Variants in PITPNC1 observed in about 807,000 individuals in gnomAD.
PITPNC1 encodes phosphatidylinositol transfer protein cytoplasmic 1.
In PITPNC1, 18 loss-of-function variants were observed where a neutral mutation model predicts 44.7. The ratio of observed to expected loss-of-function variants is 0.40; its 90% confidence interval spans 0.28 to 0.60. The LOEUF (loss-of-function observed/expected upper bound fraction) is 0.60, where lower values mean the gene tolerates loss of function less well. Among genes scored for constraint, PITPNC1 ranks in the 20% least tolerant of loss-of-function variants. The pLI, the probability that PITPNC1 is intolerant of heterozygous loss-of-function variation, is 0.39. For missense variants in PITPNC1, 290 were observed against 418.4 expected (o/e 0.69, Z 2.68); for synonymous variants, 141 against 149.6 (o/e 0.94, Z 0.42).
At chr17:67,590,870 T>C (rs2041380886) in intron 5 of PITPNC1, among the ~76,000 whole-genome samples, 1 of 151,948 alleles carries the variant, frequency 6.6e-6, no homozygotes, top group African/African-American at 2.4e-5. Flanking sequence ...GGAGAATCAC[T>C]TGAACCTGGG....
chr17:67,694,847 G>T lies in PITPNC1; in HGVS notation c.*1959G>T, dbSNP rs890718122. On this transcript the variant is annotated 3_prime_UTR_variant, in exon 9 of 9. Coordinates refer to ENST00000581322, the MANE Select transcript of PITPNC1 (RefSeq NM_012417.4). ...TACTTAATGAAAATGTTTTGCTTTAGAGAGCAAAATGCTACTTTCAGAAGA... is the reference window on the plus strand; with the variant it reads ...TACTTAATGAAAATGTTTTGCTTTATAGAGCAAAATGCTACTTTCAGAAGA... The T allele has an allele frequency of 6.6e-6, 1 of 152,284 alleles. No homozygotes were observed. The highest frequency in any genetic ancestry group is 2.1e-4 in the South Asian group (1 of 4,828). The allele number at this position is 152,284 out of a possible 1,614,324, so 9.4% of individuals were successfully genotyped here.
chr17:67,447,846 CTCTTTCTT>C (rs752331834), intron 1 of PITPNC1, among the ~76,000 whole-genome samples: 1 of 147,214 alleles, frequency 6.8e-6, no homozygotes, highest in Admixed American at 6.7e-5. Flanking sequence ...TCCCAGCTAT[CTCTTTCTT>C]TCTTTCTTTC....
At chr17:67,449,242 A>G (rs2039142893) in intron 1 of PITPNC1, among the ~76,000 whole-genome samples, 1 of 152,212 alleles carries the variant, frequency 6.6e-6, no homozygotes, top group Admixed American at 6.5e-5. Context: ...AAAGTGCCTT[A>G]TCTTGCATTT....
intron 1 of PITPNC1, among the ~76,000 whole-genome samples, chr17:67,412,981 G>T (rs1025249881): frequency 3.9e-5 from 6 of 152,072 alleles, no homozygotes; most frequent in Admixed American, 2.0e-4. Flanking sequence ...TAATGAGTTG[G>T]TTGCTAGATA....
At chr17:67,503,861 C>T (rs1274397819) in intron 1 of PITPNC1, among the ~76,000 whole-genome samples, 1 of 152,192 alleles carries the variant, frequency 6.6e-6, no homozygotes, top group Non-Finnish European at 1.5e-5. Context: ...GATATGAGTT[C>T]AGTTAATGAA....
chr17:67,441,077 A>G (rs987181076), intron 1 of PITPNC1, among the ~76,000 whole-genome samples: 9 of 152,108 alleles, frequency 5.9e-5, no homozygotes, highest in African/African-American at 2.2e-4. Context: ...AGGACATATC[A>G]GAGTATAGCT....
At chr17:67,633,367 C>A (rs965801609) in intron 6 of PITPNC1, among the ~76,000 whole-genome samples, 3 of 152,224 alleles carry the variant, frequency 2.0e-5, no homozygotes, top group East Asian at 3.8e-4. Context: ...AGGCTCCCGA[C>A]GTGGTTCAGA....
chr17:67,505,143 G>A (rs1162375106), intron 1 of PITPNC1, among the ~76,000 whole-genome samples: 3 of 152,198 alleles, frequency 2.0e-5, no homozygotes, highest in East Asian at 1.9e-4. Flanking sequence ...TCTAGTATAC[G>A]GTCTATCCTG....
chr17:67,564,964 T>C (rs1308456139), intron 4 of PITPNC1, among the ~76,000 whole-genome samples: 1 of 152,230 alleles, frequency 6.6e-6, no homozygotes, highest in Non-Finnish European at 1.5e-5. Context: ...TGTTTTTCAG[T>C]GTGTATACTC....
intron 5 of PITPNC1, among the ~76,000 whole-genome samples, chr17:67,631,680 T>C (rs2041974586): frequency 1.3e-5 from 1 of 77,440 alleles, no homozygotes; most frequent in South Asian, 4.3e-4. Flanking sequence ...ATAAAATATA[T>C]ATTTTTAACA....
At chr17:67,448,414 C>T (rs2039130560) in intron 1 of PITPNC1, among the ~76,000 whole-genome samples, 2 of 152,170 alleles carry the variant, frequency 1.3e-5, no homozygotes, top group African/African-American at 4.8e-5. Flanking sequence ...GCTCTGAGAA[C>T]TGGGGCAGCT....
intron 5 of PITPNC1, among the ~76,000 whole-genome samples, chr17:67,614,682 A>AT (rs2041734868): frequency 6.6e-6 from 1 of 150,462 alleles, no homozygotes; most frequent in African/African-American, 2.4e-5. Context: ...AAAAAAAAAA[A>AT]AAATAAATAT....
At chr17:67,461,626 A>G (rs2039339020) in intron 1 of PITPNC1, among the ~76,000 whole-genome samples, 1 of 152,200 alleles carries the variant, frequency 6.6e-6, no homozygotes, top group Non-Finnish European at 1.5e-5. Flanking sequence ...AGATTGTCTT[A>G]AAGAATCTTA....
rs55777751 is a variant in PITPNC1 at position 67,434,808 on chromosome 17, A to ATTT, written c.48+56606_48+56607insTTT. Among the ~76,000 whole-genome samples the ATTT allele has an allele frequency of 7.3e-4, 6 of 8,216 alleles. 1 individual carries two copies. Among genetic ancestry groups the ATTT allele is most frequent in the African/African-American group, 3.2e-3 (6 of 1,858 alleles). 5.4% of individuals were successfully genotyped at this position (8,216 alleles called of 152,430 possible). A position where few individuals can be genotyped will look rare whatever the true frequency, so the allele number is the denominator to read the frequency against. On this transcript the variant is annotated intron_variant, in intron 1 of 8. Coordinates refer to ENST00000581322, the MANE Select transcript of PITPNC1 (RefSeq NM_012417.4). ...GTGAGACTCTGCCTCAAAAAAAAAA[A>ATTT]AAAAATAAAAAAATAAAAGGCCAGG...
At chr17:67,625,947 T>TCC in intron 5 of PITPNC1, among the ~76,000 whole-genome samples, 1 of 151,812 alleles carries the variant, frequency 6.6e-6, no homozygotes, top group Admixed American at 6.6e-5. Context: ...TGAAACCCAT[T>TCC]CATCTAGACT....
chr17:67,402,507 G>A (rs1047491347), intron 1 of PITPNC1, among the ~76,000 whole-genome samples: 3 of 119,910 alleles, frequency 2.5e-5, no homozygotes, highest in South Asian at 2.9e-4. Context: ...CCCATCCCCC[G>A]CCCCTCCGCC....
At chr17:67,448,233 CA>C in intron 1 of PITPNC1, among the ~76,000 whole-genome samples, 1 of 152,316 alleles carries the variant, frequency 6.6e-6, no homozygotes, top group Middle Eastern at 3.4e-3. Flanking sequence ...AGGCATGAGC[CA>C]CTGCGCCCGG....
intron 5 of PITPNC1, among the ~76,000 whole-genome samples, chr17:67,600,929 G>T (rs188878130): frequency 1.4e-3 from 206 of 151,966 alleles, no homozygotes; most frequent in Non-Finnish European, 2.5e-3. Flanking sequence ...TAACAATAAT[G>T]GTAAACACTT....
At chr17:67,402,733 C>T (rs1411646921) in intron 1 of PITPNC1, among the ~76,000 whole-genome samples, 1 of 152,172 alleles carries the variant, frequency 6.6e-6, no homozygotes, top group Non-Finnish European at 1.5e-5. Flanking sequence ...GTGGCGCAAT[C>T]GCTGTTCACT....
Sources: gnomAD v4.1 joint callset for allele counts (sites outside exome capture counted in the v4.1 genomes callset) on GRCh38, gnomAD v4.1.1 for gene constraint, MANE v1.5 for transcripts, NCBI Gene and HGNC (gene_info 2026-07-23, HGNC 2026-07-21) for gene names.